Variants in SCLT1 observed in about 807,000 individuals in gnomAD.
SCLT1 encodes the protein sodium channel-associated protein 1.
A neutral mutation model predicts 112.8 loss-of-function variants in SCLT1; 78 were observed. The ratio of observed to expected loss-of-function variants is 0.69; its 90% CI spans 0.58 to 0.83. SCLT1 has a LOEUF of 0.83. Among genes scored for constraint, SCLT1 ranks in the 40% least tolerant of loss-of-function variants. The pLI, the probability that SCLT1 is intolerant of heterozygous loss-of-function variation, is 0.00. For synonymous variants in SCLT1, 257 were observed against 254.7 expected (o/e 1.01, Z -0.09); for missense variants, 747 against 770.4 (o/e 0.97, Z 0.36).
intron 13 of SCLT1, among the ~76,000 whole-genome samples, chr4:128,954,946 A>G (rs151028524): frequency 7.9e-5 from 12 of 152,198 alleles, no homozygotes; most frequent in Non-Finnish European, 1.8e-4. Context: ...TCTTTTCAGT[A>G]TCTAGAAATG....
At chr4:129,070,906 G>A (rs1292098931) in intron 2 of SCLT1, among the ~76,000 whole-genome samples, 1 of 152,062 alleles carries the variant, frequency 6.6e-6, no homozygotes, top group Non-Finnish European at 1.5e-5. Context: ...TGATGTATGT[G>A]TTTAGAGCTA....
chr4:128,936,632 C>T (rs1347369090), intron 18 of SCLT1, 23 bp downstream of exon 18: 2 of 1,454,702 alleles, frequency 1.4e-6, no homozygotes, highest in South Asian at 1.3e-5. Flanking sequence ...TAAAACATGT[C>T]AAACAACTAA....
At chr4:129,058,778 G>A (rs558843516) in intron 2 of SCLT1, among the ~76,000 whole-genome samples, 3 of 152,078 alleles carry the variant, frequency 2.0e-5, no homozygotes, top group Non-Finnish European at 4.4e-5. Context: ...TAGATGATCA[G>A]TCCAATGCTG....
chr4:128,999,105 A>G (rs1036176195), intron 7 of SCLT1, among the ~76,000 whole-genome samples: 1 of 152,016 alleles, frequency 6.6e-6, no homozygotes, highest in Non-Finnish European at 1.5e-5. Flanking sequence ...CTAGATGTCC[A>G]CTTTGAAAGA....
intron 5 of SCLT1, chr4:128,873,750 C>G (rs1318420029): frequency 6.6e-6 from 1 of 152,400 alleles, no homozygotes; most frequent in African/African-American, 2.4e-5. Flanking sequence ...TATTCAGATT[C>G]CTGATTCATT....
At chr4:129,026,978 A>G (rs1258517220) in intron 5 of SCLT1, among the ~76,000 whole-genome samples, 4 of 152,164 alleles carry the variant, frequency 2.6e-5, no homozygotes, top group Non-Finnish European at 4.4e-5. Context: ...CTCGACACAT[A>G]CACCCTCCCA....
intron 11 of SCLT1, among the ~76,000 whole-genome samples, chr4:128,962,994 G>A (rs1031940833): frequency 3.3e-5 from 5 of 152,042 alleles, no homozygotes; most frequent in East Asian, 1.9e-4. Context: ...GAAGAAAGGC[G>A]AAAAAAATGA....
At chr4:129,008,425 G>A (rs975398382) in intron 5 of SCLT1, among the ~76,000 whole-genome samples, 4 of 152,100 alleles carry the variant, frequency 2.6e-5, no homozygotes, top group African/African-American at 9.7e-5. Context: ...GATAATCTCT[G>A]TTGTGAGAAT....
chr4:129,004,696 G>C (rs1384149718), intron 5 of SCLT1, among the ~76,000 whole-genome samples: 1 of 151,790 alleles, frequency 6.6e-6, no homozygotes, highest in Admixed American at 6.6e-5. Context: ...AAAACATTTA[G>C]AGGTGAATGA....
intron 18 of SCLT1, among the ~76,000 whole-genome samples, chr4:128,911,799 A>G (rs1735119108): frequency 6.6e-6 from 1 of 152,198 alleles, no homozygotes; most frequent in Non-Finnish European, 1.5e-5. Context: ...TATTCTCCTA[A>G]CTGTAGCAAA....
chr4:129,028,774 C>T (rs1478371906), intron 5 of SCLT1, among the ~76,000 whole-genome samples: 1 of 152,036 alleles, frequency 6.6e-6, no homozygotes, highest in African/African-American at 2.4e-5. Flanking sequence ...TTGCAACCTA[C>T]TCATCTGACA....
intron 5 of SCLT1, chr4:129,037,128 G>A (rs986334788): frequency 4.7e-5 from 7 of 150,198 alleles, no homozygotes; most frequent in African/African-American, 1.7e-4. Flanking sequence ...AACCACAGGA[G>A]AAGAGTGAGA....
At chr4:128,877,443 A>G (rs1002112505) in intron 3 of SCLT1, among the ~76,000 whole-genome samples, 5 of 152,072 alleles carry the variant, frequency 3.3e-5, no homozygotes, top group Non-Finnish European at 7.4e-5. Context: ...GCACTTTGGG[A>G]GGTGGAGGTG....
intron 1 of SCLT1, among the ~76,000 whole-genome samples, chr4:129,092,848 G>T (rs9968252): frequency 3.9e-5 from 6 of 152,176 alleles, no homozygotes; most frequent in African/African-American, 2.4e-5. Context: ...CATGTTTAGC[G>T]TCTAGTAGAA....
In SCLT1 at chr4:128,884,413, C is replaced by T. The variant is rs1241700889; in HGVS notation, c.*64G>A. The T allele has an allele frequency of 1.1e-6, 1 of 945,340 alleles. No homozygotes were observed. The highest frequency in any genetic ancestry group is 1.6e-5 in the African/African-American group (1 of 61,680). 58.6% of individuals were successfully genotyped at this position (945,340 alleles called of 1,614,324 possible). ...TTATACTTTGCAGGCTTTACCATTT[C>T]AATACACTTCTAGTCCAACTGCTTT... On this transcript the variant is annotated 3_prime_UTR_variant, in exon 21 of 21. Transcript: ENST00000281142.
At chr4:129,090,215 C>A (rs932359059) in intron 1 of SCLT1, among the ~76,000 whole-genome samples, 2 of 152,012 alleles carry the variant, frequency 1.3e-5, no homozygotes, top group African/African-American at 4.8e-5. Context: ...TACAGAAGAA[C>A]CAATTTTATT....
chr4:128,992,906 T>C lies in SCLT1; in HGVS notation c.616-669A>G, dbSNP rs570215058. Among the ~76,000 whole-genome samples, 15 of 152,144 alleles carry C rather than the reference T, an allele frequency of 9.9e-5. No homozygotes were observed. The East Asian group carries it at 2.3e-3, about 24-fold the overall frequency. ...TCCTAAGGGAATTGATTTTCTTCCA[T>C]AACTGCTGGTTTTATCCATGATGAT... On this transcript the variant is annotated intron_variant, in intron 8 of 20. Transcript: ENST00000281142.
At chr4:128,996,244 T>A (rs901721233) in intron 8 of SCLT1, among the ~76,000 whole-genome samples, 1 of 152,102 alleles carries the variant, frequency 6.6e-6, no homozygotes, top group East Asian at 1.9e-4. Flanking sequence ...TTCTGATTTA[T>A]TGCAAAGGAA....
intron 2 of SCLT1, among the ~76,000 whole-genome samples, chr4:129,047,877 G>A (rs1748338334): frequency 6.6e-6 from 1 of 151,746 alleles, no homozygotes; most frequent in South Asian, 2.1e-4. Flanking sequence ...ATATATTCTG[G>A]ACATTCATCT....
Sources: gnomAD v4.1 joint callset for allele counts (sites outside exome capture counted in the v4.1 genomes callset) on GRCh38, gnomAD v4.1.1 for gene constraint, MANE v1.5 for transcripts, NCBI Gene and HGNC (gene_info 2026-07-23, HGNC 2026-07-21) for gene names.